DMXL1: variants seen among roughly 807,000 people sequenced by gnomAD.
DMXL1 encodes Dmx like 1.
Under a neutral mutation model 319.2 loss-of-function variants are expected in DMXL1, and 99 were observed. The observed-to-expected ratio is 0.31, with a 90% CI of 0.26 to 0.37. DMXL1 has a LOEUF of 0.37. DMXL1 is among the 10% of genes least tolerant of loss of function. The probability of loss-of-function intolerance (pLI) is 1.00; values close to 1 mark genes in which losing one functional copy is unlikely to be tolerated. For synonymous variants in DMXL1, 1,385 were observed against 1,235.2 expected, an observed-to-expected ratio of 1.12 and a Z score of -2.54; for missense variants, 3,745 against 3,595.6, an observed-to-expected ratio of 1.04 and a Z score of -1.06.
chr5:119,178,047 C>A lies in DMXL1; in HGVS notation c.6938C>A (p.Ser2313Ter). The change falls in exon 28 of 44, where the codon TCA (serine) becomes TAA (stop). Residue 2313 changes from serine (S) to a stop codon, truncating the protein, a stop_gained. Transcript: ENST00000539542. LOFTEE classifies it high-confidence loss of function. The stretch of plus-strand genomic sequence containing the variant: ...AATTCTTCTGGCGAGGAAGCCCAGT[C>A]AGGGCTTACAGTCTTGCTCTGTGAG... ...LLNSSGEEAQ[S>*]GLTVLLCEIL... 1 of 1,612,236 alleles carries A rather than the reference C, an allele frequency of 6.2e-7. No individual in the cohort carries two copies. The highest frequency in any genetic ancestry group is 1.1e-5 in the South Asian group (1 of 90,668).
At chr5:119,116,699 T>A (rs889618723) in intron 7 of DMXL1, among the ~76,000 whole-genome samples, 3 of 152,240 alleles carry the variant, frequency 2.0e-5, no homozygotes, top group Non-Finnish European at 2.9e-5. Flanking sequence ...GTCTTGTACC[T>A]TCTAGTATGT....
chr5:119,115,770 A>C lies in DMXL1; in HGVS notation c.565-388A>C, dbSNP rs115842775. 5.4e-3 allele frequency among the ~76,000 whole-genome samples: 817 copies of C among 152,288 alleles called. 3 individuals are homozygous for C. The highest frequency in any genetic ancestry group is 0.019 in the African/African-American group (788 of 41,544). On this transcript the variant is annotated intron_variant, in intron 6 of 43. Coordinates refer to ENST00000539542, the MANE Select transcript of DMXL1 (RefSeq NM_001290321.3). Reference sequence around the variant, plus strand: ...GAAAAGTCACATGAAAATTCATGAAAAGTATCTCTTTTTTTCAATAATTAG... The same window carrying C: ...GAAAAGTCACATGAAAATTCATGAACAGTATCTCTTTTTTTCAATAATTAG...
intron 18 of DMXL1, among the ~76,000 whole-genome samples, chr5:119,150,877 CAT>C (rs1488023628): frequency 1.3e-5 from 2 of 151,292 alleles, no homozygotes; most frequent in South Asian, 2.1e-4. Flanking sequence ...CCGAGACTAT[CAT>C]AAACAGCAAA....
intron 32 of DMXL1, among the ~76,000 whole-genome samples, chr5:119,202,884 T>TAC (rs1554139421): frequency 4.4e-5 from 5 of 113,660 alleles, no homozygotes; most frequent in Non-Finnish European, 7.3e-5. Context: ...TATATATATT[T>TAC]TTATATATAT....
Position 119,237,383 on chromosome 5 carries a change from C to T in DMXL1, c.8528C>T (p.Pro2843Leu), listed in dbSNP as rs779344743. Reference sequence around the variant, plus strand: ...TATCAAACAAACTGGAAATGTTGTCCAGTTACTGGAAGCATGCCTAAGCCA... The same window carrying T: ...TATCAAACAAACTGGAAATGTTGTCTAGTTACTGGAAGCATGCCTAAGCCA... ...SLYQTNWKCC[P>L]VTGSMPKPYL... The change falls in exon 40 of 44, where the codon CCA becomes CTA. Residue 2843 changes from proline to leucine, a missense_variant. Coordinates refer to ENST00000539542, the MANE Select transcript of DMXL1 (RefSeq NM_001290321.3). The T allele has an allele frequency of 1.9e-6, 3 of 1,603,464 alleles. No individual in the cohort carries two copies. The highest frequency in any genetic ancestry group is 1.1e-5 in the South Asian group (1 of 89,286).
chr5:119,122,221 G>T (rs573125711), intron 9 of DMXL1, among the ~76,000 whole-genome samples: 2,878 of 134,768 alleles, frequency 0.021, 70 homozygotes, highest in African/African-American at 0.08. Context: ...CCGGGCAGAG[G>T]CGCCCCTCAC....
At position 119,167,729 on chromosome 5, in the gene DMXL1, C is replaced by G. The variant is rs762580176; in HGVS notation, c.5263C>G (p.Pro1755Ala). ...TAAAAAAGTTTTGGGAATCGATTCTCCTGTCAGTGAACTGTGTTCATTGAA... is the reference window on the plus strand; with the variant it reads ...TAAAAAAGTTTTGGGAATCGATTCTGCTGTCAGTGAACTGTGTTCATTGAA... ...LRKKVLGIDS[P>A]VSELCSLNIN... is the part of the protein sequence containing the mutation. The change falls in exon 23 of 44, where the codon CCT becomes GCT. Residue 1755 changes from proline to alanine, a missense_variant. Transcript: ENST00000539542. 6.2e-7 allele frequency: 1 copy of G among 1,613,546 alleles called. No homozygotes were observed. The highest frequency in any genetic ancestry group is 1.3e-5 in the African/African-American group (1 of 74,900).
chr5:119,206,447 A>G (rs1781757023), intron 33 of DMXL1: 1 of 153,860 alleles, frequency 6.5e-6, no homozygotes, highest in Non-Finnish European at 1.4e-5. Flanking sequence ...ATGTGGAGAT[A>G]AGACAAAGCA....
intron 7 of DMXL1, among the ~76,000 whole-genome samples, chr5:119,117,601 G>C (rs1561624859): frequency 6.6e-6 from 1 of 152,106 alleles, no homozygotes; most frequent in East Asian, 1.9e-4. Context: ...GGGACAGAAG[G>C]AGAGAGGTAG....
chr5:119,096,854 T>C (rs1393632637), intron 1 of DMXL1, among the ~76,000 whole-genome samples: 9 of 152,242 alleles, frequency 5.9e-5, no homozygotes, highest in Admixed American at 2.6e-4. Flanking sequence ...TTATAAATTA[T>C]TAGCTGCATT....
intron 28 of DMXL1, among the ~76,000 whole-genome samples, chr5:119,180,091 C>T (rs574783436): frequency 3.2e-4 from 48 of 152,250 alleles, no homozygotes; most frequent in African/African-American, 1.1e-3. Context: ...TTGCCAACCC[C>T]TGCTTTACAA....
chr5:119,092,083 C>G (rs1580648386), intron 1 of DMXL1, among the ~76,000 whole-genome samples: 1 of 152,072 alleles, frequency 6.6e-6, no homozygotes, highest in South Asian at 2.1e-4. Flanking sequence ...TTTCTGTGCC[C>G]TAAGTGCTGG....
chr5:119,222,455 G>C (rs1203007054), intron 37 of DMXL1, among the ~76,000 whole-genome samples: 1 of 152,124 alleles, frequency 6.6e-6, no homozygotes, highest in Non-Finnish European at 1.5e-5. Flanking sequence ...CAATTCATTG[G>C]TAAAACTTAC....
At chr5:119,175,407 T>C in intron 26 of DMXL1, 70 bp downstream of exon 26, 2 of 1,160,018 alleles carry the variant, frequency 1.7e-6, no homozygotes, top group South Asian at 2.6e-5. Context: ...TGTATGTTAG[T>C]GGTTTAGAAC....
Position 119,166,682 on chromosome 5 carries a change from A to G in DMXL1, c.5037A>G (p.Lys1679=), listed in dbSNP as rs548498499. The G allele has an allele frequency of 3.0e-5, 49 of 1,613,042 alleles. No individual in the cohort carries two copies. In the South Asian group the frequency reaches 4.6e-4, roughly 15 times the overall value. ...GHNFEDERWR[K]AALKNAFSLL... ...ATTTTGAGGATGAGAGGTGGCGTAA[A>G]GCAGCTTTAAAGAATGCTTTTTCTT... The change falls in exon 22 of 44, where the codon AAA becomes AAG. Residue 1679 remains lysine, a synonymous_variant. Transcript: ENST00000539542.
chr5:119,207,567 G>A (rs1781968055), intron 34 of DMXL1, among the ~76,000 whole-genome samples: 1 of 152,126 alleles, frequency 6.6e-6, no homozygotes, highest in Non-Finnish European at 1.5e-5. Context: ...TGCCCAGGCT[G>A]GAGTGAAGTG....
chr5:119,094,726 A>G (rs1755540542), intron 1 of DMXL1, among the ~76,000 whole-genome samples: 1 of 152,212 alleles, frequency 6.6e-6, no homozygotes, highest in Non-Finnish European at 1.5e-5. Context: ...GACATTTGCA[A>G]TGCATAGGAG....
intron 35 of DMXL1, among the ~76,000 whole-genome samples, chr5:119,219,422 A>G (rs1357586448): frequency 6.6e-6 from 1 of 151,914 alleles, no homozygotes; most frequent in Non-Finnish European, 1.5e-5. Context: ...TAGCTATATC[A>G]TTTTTTCATT....
Position 119,171,809 on chromosome 5 carries a change from T to A in DMXL1, c.6521T>A (p.Leu2174Gln), listed in dbSNP as rs1386082027. 1 of 1,613,026 alleles carries A rather than the reference T, an allele frequency of 6.2e-7. No homozygotes were observed. Among genetic ancestry groups the A allele is most frequent in the South Asian group, 1.1e-5 (1 of 90,874 alleles). The change falls in exon 25 of 44, where the codon CTG becomes CAG. Residue 2174 changes from leucine (L) to glutamine (Q), a missense_variant. Coordinates refer to ENST00000539542, the MANE Select transcript of DMXL1 (RefSeq NM_001290321.3). ...TCAGAACCACTATTTTCTAGCCCTC[T>A]GTCAGAGCAAACCTCAGTGCCTCTC... is the stretch of plus-strand genomic sequence containing the variant. The part of the protein sequence containing the change: ...ETSEPLFSSP[L>Q]SEQTSVPLLF...
Sources: gnomAD v4.1 joint callset for allele counts (sites outside exome capture counted in the v4.1 genomes callset) on GRCh38, gnomAD v4.1.1 for gene constraint, MANE v1.5 for transcripts, NCBI Gene and HGNC (gene_info 2026-07-23, HGNC 2026-07-21) for gene names.